The following D2HGDH variants were observed in gnomAD, a reference collection of about 807,000 sequenced individuals.
D2HGDH encodes the protein D-2-hydroxyglutarate dehydrogenase, mitochondrial.
A neutral mutation model predicts 46.9 loss-of-function variants in D2HGDH; 31 were observed. The observed-to-expected ratio is 0.66, with a 90% CI of 0.50 to 0.89. The LOEUF (loss-of-function observed/expected upper bound fraction) is 0.89, where lower values mean the gene tolerates loss of function less well. Ranked by LOEUF, D2HGDH falls within the 40% of genes least tolerant of loss-of-function variation. D2HGDH has a pLI of 0.00. For synonymous variants in D2HGDH, 364 were observed against 332.6 expected (o/e 1.09, Z -1.03); for missense variants, 698 against 720.8 (o/e 0.97, Z 0.36).
At chr2:241,745,828 G>A (rs2125099636) in intron 6 of D2HGDH, among the ~76,000 whole-genome samples, 1 of 152,190 alleles carries the variant, frequency 6.6e-6, no homozygotes, top group Middle Eastern at 3.4e-3. Flanking sequence ...TTTTCCACAG[G>A]CGCATGGCTT....
intron 9 of D2HGDH, among the ~76,000 whole-genome samples, chr2:241,764,610 A>G (rs1699117168): frequency 6.6e-6 from 1 of 152,232 alleles, no homozygotes; most frequent in African/African-American, 2.4e-5. Flanking sequence ...TGCCCTTGTC[A>G]GTCATTCCTG....
In D2HGDH at chr2:241,749,009, G is replaced by A. The variant is rs143909952; in HGVS notation, c.854-1142G>A. On this transcript the variant is annotated intron_variant, in intron 6 of 9. Transcript: ENST00000321264. ...GTCTAAGCCGGGTGGAACAGGCCCT[G>A]TGAGGATGGTCCTGGTGTCCCTCGT... 1.6e-3 allele frequency: 1,857 copies of A among 1,147,424 alleles called. 35 individuals are homozygous for A. In the African/African-American group the frequency reaches 0.033, roughly 20 times the overall value. 71.1% of individuals were successfully genotyped at this position (1,147,424 alleles called of 1,614,324 possible).
chr2:241,739,261 G>A (rs1042212266), intron 2 of D2HGDH, among the ~76,000 whole-genome samples: 1 of 152,206 alleles, frequency 6.6e-6, no homozygotes, highest in Non-Finnish European at 1.5e-5. Flanking sequence ...TGCATTCTTG[G>A]GGGGTACTCA....
chr2:241,736,671 G>GTT (rs60699346), intron 2 of D2HGDH, among the ~76,000 whole-genome samples: 22 of 145,064 alleles, frequency 1.5e-4, no homozygotes, highest in Admixed American at 2.8e-4. Flanking sequence ...CCGTTTATCC[G>GTT]TTTTTTTTTT....
At chr2:241,745,968 C>G (rs1559367553) in intron 6 of D2HGDH, among the ~76,000 whole-genome samples, 1 of 152,192 alleles carries the variant, frequency 6.6e-6, no homozygotes, top group Non-Finnish European at 1.5e-5. Context: ...CCTGGCCCCC[C>G]TTGGGCCACT....
At chr2:241,761,182 A>C (rs1251473866) in intron 9 of D2HGDH, among the ~76,000 whole-genome samples, 3 of 152,226 alleles carry the variant, frequency 2.0e-5, no homozygotes, top group Admixed American at 6.5e-5. Flanking sequence ...ATGTAGTATA[A>C]CAGTGACAGA....
At position 241,767,934 on chromosome 2, in the gene D2HGDH, C is replaced by T; in HGVS notation, c.1531C>T (p.Leu511Phe). ...GGCCCTGCTGGACCCCAAGGGCATCCTCAACCCCTACAAGACGCTGCCCAG... is the reference window on the plus strand; with the variant it reads ...GGCCCTGCTGGACCCCAAGGGCATCTTCAACCCCTACAAGACGCTGCCCAG... The part of the protein sequence containing the change: ...LKALLDPKGI[L>F]NPYKTLPSQA The change falls in exon 10 of 10, where the codon CTC becomes TTC. Residue 511 changes from leucine (L) to phenylalanine (F), a missense_variant. By Grantham distance (22) the Leu-to-Phe change is conservative. Transcript: ENST00000321264. The T allele has an allele frequency of 6.3e-7, 1 of 1,599,970 alleles. No individual in the cohort carries two copies. Among genetic ancestry groups the T allele is most frequent in the Non-Finnish European group, 8.5e-7 (1 of 1,174,740 alleles).
chr2:241,735,039 C>T (rs954615174), intron 1 of D2HGDH, 94 bp from the exon 2 acceptor site: 8 of 681,328 alleles, frequency 1.2e-5, no homozygotes, highest in Non-Finnish European at 1.8e-5. Flanking sequence ...GGAGCCTTCC[C>T]TTCGCTGCCC....
chr2:241,744,982 A>G, intron 6 of D2HGDH, 105 bp downstream of exon 6: 2 of 1,299,506 alleles, frequency 1.5e-6, no homozygotes, highest in Non-Finnish European at 1.1e-6. Context: ...ACCCCCCGCC[A>G]AGGACAGTCG....
intron 6 of D2HGDH, among the ~76,000 whole-genome samples, chr2:241,745,690 C>G (rs1413919773): frequency 6.6e-6 from 1 of 152,204 alleles, no homozygotes; most frequent in African/African-American, 2.4e-5. Flanking sequence ...TGTGTCCGAT[C>G]TTCTGTCTGG....
intron 3 of D2HGDH, among the ~76,000 whole-genome samples, chr2:241,741,510 C>T (rs1379821731): frequency 6.9e-6 from 1 of 145,050 alleles, no homozygotes; most frequent in Non-Finnish European, 1.5e-5. Context: ...TTGCTGTCTC[C>T]AGGGTTTATT....
intron 6 of D2HGDH, chr2:241,748,890 TCCTGGGAGCCCGAGGC>T: frequency 7.7e-7 from 1 of 1,299,298 alleles, no homozygotes; most frequent in Non-Finnish European, 1.0e-6. Context: ...CCGCCTGTGG[TCCTGGGAGCCCGAGGC>T]CAGCCCGGCT....
chr2:241,749,297 A>G (rs1696671940), intron 6 of D2HGDH: 8 of 1,287,954 alleles, frequency 6.2e-6, no homozygotes, highest in Non-Finnish European at 8.1e-6. Context: ...CACCCAGTGC[A>G]GGTGTCTGCC....
intron 9 of D2HGDH, among the ~76,000 whole-genome samples, chr2:241,757,330 T>A (rs186619049): frequency 2.4e-4 from 37 of 152,012 alleles, no homozygotes; most frequent in African/African-American, 8.7e-4. Context: ...GGGAAGGGGG[T>A]AAGGGCATGA....
At chr2:241,738,549 C>G (rs951376579) in intron 2 of D2HGDH, among the ~76,000 whole-genome samples, 1 of 152,234 alleles carries the variant, frequency 6.6e-6, no homozygotes, top group African/African-American at 2.4e-5. Context: ...CCGGGGCATG[C>G]AGGAGCGGGG....
rs967544691 is a variant in D2HGDH, at chr2:241,768,025, G to A, written c.*56G>A. The A allele has an allele frequency of 2.9e-5, 44 of 1,526,678 alleles. No individual in the cohort carries two copies. Among genetic ancestry groups the A allele is most frequent in the Admixed American group, 2.0e-4 (10 of 51,038 alleles). 94.6% of individuals were successfully genotyped at this position (1,526,678 alleles called of 1,614,324 possible). A position where few individuals can be genotyped will look rare whatever the true frequency, so the allele number is the denominator to read the frequency against. Reference sequence around the variant, plus strand: ...GGGGGTCGGCGGGTGGCTCTCGGGCGGGGGTGTTGCGGTGGCTCTGAGGGA... The same window carrying A: ...GGGGGTCGGCGGGTGGCTCTCGGGCAGGGGTGTTGCGGTGGCTCTGAGGGA... On this transcript the variant is annotated 3_prime_UTR_variant, in exon 10 of 10. Coordinates refer to ENST00000321264, the MANE Select transcript of D2HGDH (RefSeq NM_152783.5).
At chr2:241,754,156 C>T (rs1223164967) in intron 8 of D2HGDH, among the ~76,000 whole-genome samples, 2 of 152,186 alleles carry the variant, frequency 1.3e-5, no homozygotes, top group South Asian at 2.1e-4. Context: ...CTTGTGGCCA[C>T]GGGGACACAT....
intron 6 of D2HGDH, chr2:241,749,586 C>G (rs1291766802): frequency 3.0e-6 from 1 of 329,054 alleles, no homozygotes; most frequent in African/African-American, 2.2e-5. Context: ...CAGGGAAGAC[C>G]TGAGTGCTGA....
chr2:241,738,051 C>T (rs1244052325), intron 2 of D2HGDH, among the ~76,000 whole-genome samples: 2 of 152,188 alleles, frequency 1.3e-5, no homozygotes, highest in African/African-American at 4.8e-5. Context: ...GGTCTAGGCT[C>T]AGATAATGGA....
Sources: allele counts gnomAD v4.1 joint callset (sites outside exome capture counted in the v4.1 genomes callset), GRCh38; gene constraint gnomAD v4.1.1; transcripts MANE v1.5; gene names NCBI Gene and HGNC (gene_info 2026-07-23, HGNC 2026-07-21).